The following PPARGC1A variants were observed in gnomAD, a reference collection of about 807,000 sequenced individuals.
PPARGC1A encodes PPARG coactivator 1 alpha.
Under a neutral mutation model 88.7 loss-of-function variants are expected in PPARGC1A, and 25 were observed. The ratio of observed to expected loss-of-function variants is 0.28; its 90% CI spans 0.21 to 0.39. The LOEUF is 0.39. Ranked by LOEUF, PPARGC1A falls within the 10% of genes least tolerant of loss-of-function variation. The pLI is 1.00. For missense variants in PPARGC1A, 880 were observed against 968.7 expected, an observed-to-expected ratio of 0.91 and a Z score of 1.22; for synonymous variants, 363 against 355.6, an observed-to-expected ratio of 1.02 and a Z score of -0.24.
At chr4:24,005,969 G>A in the PPARGC1A span, among the ~76,000 whole-genome samples, 2 of 152,188 alleles carry the variant, frequency 1.3e-5, no homozygotes, top group African/African-American at 4.8e-5. Context: ...GCTGGTTACA[G>A]ATCCAGAACT....
At chr4:24,113,486 C>T in the PPARGC1A span, among the ~76,000 whole-genome samples, 1 of 152,158 alleles carries the variant, frequency 6.6e-6, no homozygotes, top group Admixed American at 6.5e-5. Flanking sequence ...AGCCATAACC[C>T]CACTTTCTCT....
the PPARGC1A span, among the ~76,000 whole-genome samples, chr4:23,966,156 G>T: frequency 6.6e-6 from 1 of 152,272 alleles, no homozygotes; most frequent in Admixed American, 6.5e-5. Flanking sequence ...GGCACACACT[G>T]GTCCACATCT....
At chr4:24,050,212 T>TTTTTTG in the PPARGC1A span, among the ~76,000 whole-genome samples, 1 of 148,916 alleles carries the variant, frequency 6.7e-6, no homozygotes. Flanking sequence ...TTTTTTTTTT[T>TTTTTTG]TGAGATGGAG....
chr4:24,336,802 C>T, the PPARGC1A span, among the ~76,000 whole-genome samples: 1 of 152,042 alleles, frequency 6.6e-6, no homozygotes, highest in Non-Finnish European at 1.5e-5. Context: ...GTGGCTTGCA[C>T]CTGTAATCCC....
chr4:23,895,936 ATG>A (rs550243415), intron 1 of PPARGC1A, among the ~76,000 whole-genome samples: 4,304 of 130,572 alleles, frequency 0.033, 76 homozygotes, highest in Non-Finnish European at 0.046. Flanking sequence ...AATTATAGAG[ATG>A]TGTGTGTGTG....
the PPARGC1A span, among the ~76,000 whole-genome samples, chr4:24,084,164 T>G: frequency 1.3e-5 from 2 of 152,318 alleles, no homozygotes; most frequent in South Asian, 2.1e-4. Context: ...AGGTCCAGTA[T>G]GTGGAGCTCA....
chr4:24,296,092 A>G, the PPARGC1A span, among the ~76,000 whole-genome samples: 1 of 151,168 alleles, frequency 6.6e-6, no homozygotes, highest in African/African-American at 2.4e-5. Context: ...ATATATACAC[A>G]CATACATATA....
intron 2 of PPARGC1A, among the ~76,000 whole-genome samples, chr4:23,871,707 C>A (rs1454791621): frequency 3.3e-5 from 5 of 152,120 alleles, no homozygotes; most frequent in Admixed American, 2.6e-4. Flanking sequence ...AACTTCACAT[C>A]TGAGCAAATG....
intron 3 of PPARGC1A, among the ~76,000 whole-genome samples, chr4:23,831,191 G>C (rs887423208): frequency 3.3e-5 from 5 of 152,128 alleles, no homozygotes; most frequent in South Asian, 2.1e-4. Context: ...ATCTTGAAAG[G>C]ATATTGCAAT....
chr4:24,217,033 G>A, the PPARGC1A span, among the ~76,000 whole-genome samples: 1 of 152,148 alleles, frequency 6.6e-6, no homozygotes, highest in South Asian at 2.1e-4. Context: ...ACAAAGTCTG[G>A]GGCAGCCTTC....
chr4:24,154,823 A>C, the PPARGC1A span, among the ~76,000 whole-genome samples: 1 of 152,248 alleles, frequency 6.6e-6, no homozygotes, highest in Admixed American at 6.5e-5. Context: ...TTATAAAGGC[A>C]GGAAAAATTA....
the PPARGC1A span, among the ~76,000 whole-genome samples, chr4:24,170,562 C>A: frequency 1.7e-4 from 26 of 152,138 alleles, no homozygotes; most frequent in Admixed American, 2.6e-4. Flanking sequence ...TTCTCAGAGC[C>A]CTGCTCACTT....
At chr4:24,009,730 C>T in the PPARGC1A span, among the ~76,000 whole-genome samples, 4 of 152,188 alleles carry the variant, frequency 2.6e-5, no homozygotes, top group Non-Finnish European at 4.4e-5. Context: ...TTGGAGTCTG[C>T]TTCGGAATCA....
chr4:24,021,648 T>C, the PPARGC1A span, among the ~76,000 whole-genome samples: 40 of 152,192 alleles, frequency 2.6e-4, no homozygotes, highest in Admixed American at 2.6e-3. Flanking sequence ...ACAAGCTAGG[T>C]TATCTTGGGC....
chr4:24,404,098 C>A, the PPARGC1A span, among the ~76,000 whole-genome samples: 5 of 151,668 alleles, frequency 3.3e-5, no homozygotes, highest in Non-Finnish European at 7.4e-5. Flanking sequence ...CCTGTCTCTA[C>A]TAAAAATAAA....
At chr4:24,193,140 T>A in the PPARGC1A span, among the ~76,000 whole-genome samples, 2 of 152,238 alleles carry the variant, frequency 1.3e-5, no homozygotes, top group African/African-American at 4.8e-5. Flanking sequence ...CTATTTGGTA[T>A]TTTAATTTTT....
At chr4:23,883,466 AT>A (rs1192983119) in intron 2 of PPARGC1A, 1 of 152,142 alleles carries the variant, frequency 6.6e-6, no homozygotes, top group Non-Finnish European at 1.5e-5. Context: ...TGGGTTCTCT[AT>A]TTTTATCAAG....
At chr4:24,181,881 T>C in the PPARGC1A span, among the ~76,000 whole-genome samples, 5 of 152,126 alleles carry the variant, frequency 3.3e-5, no homozygotes, top group African/African-American at 1.2e-4. Context: ...ATCGAGACCT[T>C]ACCCCGAGAA....
the PPARGC1A span, among the ~76,000 whole-genome samples, chr4:24,370,783 C>CTTTTTTTTTTTTTT: frequency 2.3e-4 from 15 of 64,450 alleles, no homozygotes; most frequent in African/African-American, 3.2e-4. Context: ...TTTTTTTTTA[C>CTTTTTTTTTTTTTT]TTTAAGTTCT....
Sources: allele counts gnomAD v4.1 joint callset (sites outside exome capture counted in the v4.1 genomes callset), GRCh38; gene constraint gnomAD v4.1.1; transcripts MANE v1.5; gene names NCBI Gene and HGNC (gene_info 2026-07-23, HGNC 2026-07-21).